Variants in PTPRD observed in about 807,000 individuals in gnomAD.
PTPRD encodes receptor-type tyrosine-protein phosphatase delta.
Under a neutral mutation model 214.5 loss-of-function variants are expected in PTPRD, and 34 were observed. The observed-to-expected ratio is 0.16, with a 90% CI of 0.12 to 0.21. The LOEUF (loss-of-function observed/expected upper bound fraction) is 0.21, where lower values mean the gene tolerates loss of function less well. Ranked by LOEUF, PTPRD falls within the 10% of genes least tolerant of loss-of-function variation. The pLI is 1.00. For missense variants in PTPRD, 2,545 were observed against 2,398.7 expected, an observed-to-expected ratio of 1.06 and a Z score of -1.27; for synonymous variants, 1,128 against 845.7, an observed-to-expected ratio of 1.33 and a Z score of -5.79.
intron 11 of PTPRD, among the ~76,000 whole-genome samples, chr9:8,942,294 C>A (rs1201125357): frequency 6.6e-6 from 1 of 152,090 alleles, no homozygotes; most frequent in Non-Finnish European, 1.5e-5. Flanking sequence ...GGTTTAAATT[C>A]TTTTATTAAG....
chr9:9,874,998 C>G (rs1390507715), intron 5 of PTPRD, among the ~76,000 whole-genome samples: 1 of 152,150 alleles, frequency 6.6e-6, no homozygotes, highest in Non-Finnish European at 1.5e-5. Flanking sequence ...AGCACAATCA[C>G]TTGTTTCCTG....
rs966032946 is a variant in PTPRD at position 8,326,559 on chromosome 9, G to C, written c.5534+5023C>G. On this transcript the variant is annotated intron_variant, in intron 44 of 45. Coordinates refer to ENST00000381196, the MANE Select transcript of PTPRD (RefSeq NM_002839.4). ...TTTTGTTGTGTCTCTGCCAGGTTTT[G>C]GTATCAGGATGATGCTGGCCTCATA... 2.0e-5 allele frequency among the ~76,000 whole-genome samples: 3 copies of C among 151,524 alleles called. No homozygotes were observed. In the East Asian group the frequency reaches 5.8e-4, roughly 29 times the overall value.
At chr9:8,823,812 A>C (rs928660709) in intron 11 of PTPRD, among the ~76,000 whole-genome samples, 3 of 152,242 alleles carry the variant, frequency 2.0e-5, no homozygotes, top group Non-Finnish European at 4.4e-5. Flanking sequence ...GTGAGTTTGC[A>C]GTGCAAAGTG....
intron 3 of PTPRD, among the ~76,000 whole-genome samples, chr9:10,147,058 T>C (rs7865355): frequency 0.043 from 6,585 of 152,126 alleles, 466 homozygotes; most frequent in African/African-American, 0.15. Context: ...ATTAACATTG[T>C]CACAGAAGCT....
At chr9:10,300,624 C>T (rs533059894) in intron 3 of PTPRD, among the ~76,000 whole-genome samples, 1 of 152,122 alleles carries the variant, frequency 6.6e-6, no homozygotes, top group South Asian at 2.1e-4. Flanking sequence ...TGGTTTTACC[C>T]TCACAGTGTA....
At chr9:9,412,782 A>G (rs1283972146) in intron 8 of PTPRD, among the ~76,000 whole-genome samples, 1 of 152,070 alleles carries the variant, frequency 6.6e-6, no homozygotes, top group Non-Finnish European at 1.5e-5. Flanking sequence ...ACAAAATTTC[A>G]CATTTTTGAT....
At chr9:10,607,799 T>C (rs530374664) in intron 2 of PTPRD, among the ~76,000 whole-genome samples, 99 of 152,154 alleles carry the variant, frequency 6.5e-4, no homozygotes, top group African/African-American at 2.3e-3. Context: ...ATTGCATATA[T>C]TCCTTCTTTG....
intron 11 of PTPRD, among the ~76,000 whole-genome samples, chr9:8,956,979 T>C (rs1425279820): frequency 6.6e-6 from 1 of 151,842 alleles, no homozygotes; most frequent in Non-Finnish European, 1.5e-5. Flanking sequence ...CCCACTTTCA[T>C]GTCCCTGCGT....
rs138897337 is a variant in PTPRD, at chr9:8,842,823, G to A, written c.-103-108877C>T. 4.1e-4 allele frequency among the ~76,000 whole-genome samples: 63 copies of A among 152,242 alleles called. No homozygotes were observed. The East Asian group carries it at 0.011, about 27-fold the overall frequency. On this transcript the variant is annotated intron_variant, in intron 11 of 45. Transcript: ENST00000381196. ...AAAGAGCAGGAGGAAAGATGCCAAG[G>A]GGAGACTTTGACGGTGTTTCACATC...
rs564267105 is a variant in PTPRD, at chr9:9,914,601, G to A, written c.-368+23906C>T. On this transcript the variant is annotated intron_variant, in intron 5 of 45. Coordinates refer to ENST00000381196, the MANE Select transcript of PTPRD (RefSeq NM_002839.4). ...CTGAACAGCTGAGGGCCTGCGTTCC[G>A]AGTACGTGTTTACCGCGCCTGTGTT... is the stretch of plus-strand genomic sequence containing the variant. 5.9e-5 allele frequency among the ~76,000 whole-genome samples: 9 copies of A among 152,080 alleles called. No individual in the cohort carries two copies. In the East Asian group the frequency reaches 7.7e-4, roughly 13 times the overall value.
chr9:9,991,027 C>T (rs993707569), intron 4 of PTPRD, among the ~76,000 whole-genome samples: 1 of 151,538 alleles, frequency 6.6e-6, no homozygotes, highest in South Asian at 2.1e-4. Flanking sequence ...CTCTGCCTCC[C>T]AGGTTCAAGC....
chr9:10,542,908 T>C (rs114867356), intron 2 of PTPRD, among the ~76,000 whole-genome samples: 224 of 151,710 alleles, frequency 1.5e-3, no homozygotes, highest in African/African-American at 5.3e-3. Context: ...ATTTTATTTG[T>C]TTATTTATTT....
chr9:9,094,549 C>G (rs899620161), intron 10 of PTPRD, among the ~76,000 whole-genome samples: 2 of 152,024 alleles, frequency 1.3e-5, no homozygotes, highest in Non-Finnish European at 2.9e-5. Flanking sequence ...ACTGAAGGAT[C>G]AAACACTACA....
At chr9:8,527,200 GGT>G in intron 16 of PTPRD, 143 bp downstream of exon 16, 1 of 754,560 alleles carries the variant, frequency 1.3e-6, no homozygotes, top group Non-Finnish European at 2.2e-6. Flanking sequence ...GTTCTGTGGA[GGT>G]GTGTGTGGGA....
chr9:9,709,330 T>C (rs2097684154), intron 7 of PTPRD, among the ~76,000 whole-genome samples: 1 of 151,998 alleles, frequency 6.6e-6, no homozygotes, highest in African/African-American at 2.4e-5. Context: ...AATATGACTT[T>C]CTATAACTTT....
intron 8 of PTPRD, among the ~76,000 whole-genome samples, chr9:9,462,747 T>G (rs2093773476): frequency 6.6e-6 from 1 of 152,102 alleles, no homozygotes; most frequent in African/African-American, 2.4e-5. Context: ...AAAATGACAG[T>G]GCTCACACTT....
intron 3 of PTPRD, among the ~76,000 whole-genome samples, chr9:10,162,699 A>ATG (rs2099135560): frequency 6.8e-6 from 1 of 147,230 alleles, no homozygotes. Context: ...GTATATATAT[A>ATG]CATATACACG....
chr9:10,408,246 C>A (rs781370968), intron 2 of PTPRD, among the ~76,000 whole-genome samples: 1 of 151,248 alleles, frequency 6.6e-6, no homozygotes, highest in Non-Finnish European at 1.5e-5. Context: ...ATTTTTAAGT[C>A]TCTCTCTCTC....
At chr9:10,306,978 T>C (rs1358872546) in intron 3 of PTPRD, among the ~76,000 whole-genome samples, 2 of 152,144 alleles carry the variant, frequency 1.3e-5, no homozygotes, top group Non-Finnish European at 2.9e-5. Flanking sequence ...GGGGTACATG[T>C]GATATTTTGT....
Sources: gnomAD v4.1 joint callset for allele counts (sites outside exome capture counted in the v4.1 genomes callset) on GRCh38, gnomAD v4.1.1 for gene constraint, MANE v1.5 for transcripts, NCBI Gene and HGNC (gene_info 2026-07-23, HGNC 2026-07-21) for gene names.